ZNF496: variants seen among roughly 807,000 people sequenced by gnomAD.
ZNF496 encodes NSD1 (nuclear receptor binding SET-domain containing 1)-interacting zinc finger protein 1.
Under a neutral mutation model 58.9 loss-of-function variants are expected in ZNF496, and 11 were observed. The observed-to-expected ratio is 0.19, with a 90% CI of 0.12 to 0.31. The LOEUF (loss-of-function observed/expected upper bound fraction) is 0.31, where lower values mean the gene tolerates loss of function less well. Ranked by LOEUF, ZNF496 falls within the 10% of genes least tolerant of loss-of-function variation. ZNF496 has a pLI of 1.00. For synonymous variants in ZNF496, 338 were observed against 318.2 expected (o/e 1.06, Z -0.66); for missense variants, 660 against 783.0 (o/e 0.84, Z 1.88).
intron 9 of ZNF496, among the ~76,000 whole-genome samples, chr1:247,302,536 T>A (rs1179787165): frequency 6.6e-6 from 1 of 152,104 alleles, no homozygotes; most frequent in Non-Finnish European, 1.5e-5. Flanking sequence ...TTGCCCAGGC[T>A]GGTCTCAAAC....
chr1:247,310,707 GAGTT>G, intron 6 of ZNF496: 2 of 448,576 alleles, frequency 4.5e-6, no homozygotes, highest in South Asian at 6.6e-5. Context: ...GAGGGCAAGG[GAGTT>G]CTCTGGGGCC....
At chr1:247,303,737 T>G (rs1427708209) in intron 9 of ZNF496, among the ~76,000 whole-genome samples, 6 of 152,094 alleles carry the variant, frequency 3.9e-5, no homozygotes, top group South Asian at 4.1e-4. Flanking sequence ...ATGAGAGAGA[T>G]AAACTGAAGA....
chr1:247,312,938 A>G (rs1422213435), intron 6 of ZNF496: 1 of 152,162 alleles, frequency 6.6e-6, no homozygotes, highest in Non-Finnish European at 1.5e-5. Flanking sequence ...CTCTAACAAA[A>G]TACCGCAGAC....
chr1:247,302,666 G>A (rs534204768), intron 9 of ZNF496, among the ~76,000 whole-genome samples: 1 of 152,056 alleles, frequency 6.6e-6, no homozygotes, highest in Non-Finnish European at 1.5e-5. Flanking sequence ...CGCTTATCTC[G>A]ACTCTTGGTT....
chr1:247,326,065 T>C (rs1220553412), intron 5 of ZNF496, among the ~76,000 whole-genome samples: 2 of 134,576 alleles, frequency 1.5e-5, no homozygotes, highest in African/African-American at 5.4e-5. Flanking sequence ...CACACACACA[T>C]ATATACACAC....
intron 9 of ZNF496, chr1:247,307,912 C>T: frequency 1.0e-6 from 1 of 985,398 alleles, no homozygotes; most frequent in Non-Finnish European, 1.2e-6. Flanking sequence ...GGCTATTTCT[C>T]TGAAAGCAGG....
chr1:247,300,404 AGGAGGGAGGTGTG>A lies in ZNF496; in HGVS notation c.*102_*114del. Reference sequence around the variant, plus strand: ...ACGCTCACTACCTGAGAGCAAGGACAGGAGGGAGGTGTGCTCTCTATCCTGGGGAAGGTATGTC... The same window carrying A: ...ACGCTCACTACCTGAGAGCAAGGACACTCTCTATCCTGGGGAAGGTATGTC... On this transcript the variant is annotated 3_prime_UTR_variant, in exon 10 of 10. Transcript: ENST00000682384. The surrounding 1 kb of genome is among the most constrained non-coding windows in gnomAD (Gnocchi z 5.7). The A allele has an allele frequency of 8.7e-7, 1 of 1,152,998 alleles. No homozygotes were observed. Among genetic ancestry groups the A allele is most frequent in the Non-Finnish European group, 1.2e-6 (1 of 841,134 alleles). 71.4% of individuals were successfully genotyped at this position (1,152,998 alleles called of 1,614,324 possible).
intron 6 of ZNF496, among the ~76,000 whole-genome samples, chr1:247,322,365 T>C (rs1659988943): frequency 6.6e-6 from 1 of 152,128 alleles, no homozygotes; most frequent in South Asian, 2.1e-4. Context: ...TGCTGAGACA[T>C]GGTAATAAGA....
intron 5 of ZNF496, among the ~76,000 whole-genome samples, chr1:247,324,784 A>C (rs573309809): frequency 1.3e-5 from 2 of 152,334 alleles, no homozygotes; most frequent in East Asian, 3.9e-4. Flanking sequence ...AAAAACTGTT[A>C]CCACTGTAGG....
chr1:247,309,453 G>C lies in ZNF496; in HGVS notation c.892+246C>G, dbSNP rs1659522780. The C allele has an allele frequency of 2.9e-6, 4 of 1,358,200 alleles. No individual in the cohort carries two copies. The highest frequency in any genetic ancestry group is 2.8e-4 in the Middle Eastern group (1 of 3,622). The allele number at this position is 1,358,200 out of a possible 1,614,324, so 84.1% of individuals were successfully genotyped here. A position where few individuals can be genotyped will look rare whatever the true frequency, so the allele number is the denominator to read the frequency against. On this transcript the variant is annotated intron_variant, in intron 8 of 9. Transcript: ENST00000682384. The surrounding 1 kb of genome is among the most constrained non-coding windows in gnomAD (Gnocchi z 4.3). ...ATGTTACTTACAGGCAGAGGAGAAA[G>C]ACATTCCTATTATTTCCCAGTCCTT... is the stretch of plus-strand genomic sequence containing the variant.
intron 6 of ZNF496, among the ~76,000 whole-genome samples, chr1:247,318,523 A>C (rs1197831771): frequency 2.0e-5 from 3 of 152,236 alleles, no homozygotes; most frequent in Non-Finnish European, 4.4e-5. Context: ...TACAGGGAAA[A>C]AGTTTTTGAA....
chr1:247,327,947 G>A (rs986067482), intron 5 of ZNF496, among the ~76,000 whole-genome samples: 3 of 152,174 alleles, frequency 2.0e-5, no homozygotes. Flanking sequence ...AAAGTTTTGG[G>A]CACCTCAGGC....
Position 247,300,365 on chromosome 1 carries a change from A to G in ZNF496, c.*154T>C. ...TACCTGGGGGAGGGAGAGTGCTCCC[A>G]TGGCACCACCCGAACGCTCACTACC... On this transcript the variant is annotated 3_prime_UTR_variant, in exon 10 of 10. Transcript: ENST00000682384. The surrounding 1 kb of genome is among the most constrained non-coding windows in gnomAD (Gnocchi z 5.7). The G allele has an allele frequency of 5.4e-6, 4 of 745,880 alleles. No individual in the cohort carries two copies. Among genetic ancestry groups the G allele is most frequent in the Non-Finnish European group, 8.0e-6 (4 of 498,492 alleles). 46.2% of individuals were successfully genotyped at this position (745,880 alleles called of 1,614,324 possible).
chr1:247,318,932 T>C (rs900235761), intron 6 of ZNF496, among the ~76,000 whole-genome samples: 2 of 21,998 alleles, frequency 9.1e-5, no homozygotes, highest in Admixed American at 2.0e-3. Context: ...AACAACTGCA[T>C]TATAATGGGG....
rs149588445 is a variant in ZNF496, at chr1:247,317,983, C to T, written c.651+5171G>A. ...CAATTATAAGCACACTCCAAACAAA[C>T]GAAAAAATAGAAAGTGTCTGTAAAG... On this transcript the variant is annotated intron_variant, in intron 6 of 9. Coordinates refer to ENST00000682384, the MANE Select transcript of ZNF496 (RefSeq NM_032752.3). Among the ~76,000 whole-genome samples, 292 of 152,004 alleles carry T rather than the reference C, an allele frequency of 1.9e-3. 1 individual carries two copies. Among genetic ancestry groups the T allele is most frequent in the Middle Eastern group, 0.017 (5 of 294 alleles).
At chr1:247,315,583 G>T (rs930460807) in intron 6 of ZNF496, among the ~76,000 whole-genome samples, 1 of 152,096 alleles carries the variant, frequency 6.6e-6, no homozygotes, top group Non-Finnish European at 1.5e-5. Flanking sequence ...GAATAAGGGG[G>T]CACAAACGTC....
rs1659536007 is a variant in ZNF496 at position 247,309,871 on chromosome 1, G to A, written c.785-65C>T. 2.7e-5 allele frequency: 43 copies of A among 1,570,138 alleles called. No individual in the cohort carries two copies. The South Asian group carries it at 4.1e-4, about 15-fold the overall frequency. On this transcript the variant is annotated intron_variant, in intron 7 of 9. Transcript: ENST00000682384. This position sits in a 1 kb window ranked among gnomAD's most constrained non-coding sequence, Gnocchi z 4.3. ...TCTGATCCTGCAGCAACCAGGGCTG[G>A]TCCAGAAGAGAGAAGGCGGAGGGAT...
Position 247,310,311 on chromosome 1 carries a change from A to G in ZNF496, c.784+13T>C, listed in dbSNP as rs967318432. 2 of 1,614,046 alleles carry G rather than the reference A, an allele frequency of 1.2e-6. No individual in the cohort carries two copies. Among genetic ancestry groups the G allele is most frequent in the Non-Finnish European group, 1.7e-6 (2 of 1,180,018 alleles). On this transcript the variant is annotated intron_variant, in intron 7 of 9. Transcript: ENST00000682384. ...TCCCTGGTCTTGAGGTGTGGGGGGAAGTTAAGTCTTACTTGGAGGCATTGA... is the reference window on the plus strand; with the variant it reads ...TCCCTGGTCTTGAGGTGTGGGGGGAGGTTAAGTCTTACTTGGAGGCATTGA...
Position 247,300,352 on chromosome 1 carries a change from G to GGA in ZNF496, c.*165_*166dup, listed in dbSNP as rs1057098359. ...GCCACTCTTTCATTACCTGGGGGAG[G>GGA]GAGAGTGCTCCCATGGCACCACCCG... On this transcript the variant is annotated 3_prime_UTR_variant, in exon 10 of 10. Coordinates refer to ENST00000682384, the MANE Select transcript of ZNF496 (RefSeq NM_032752.3). This position sits in a 1 kb window ranked among gnomAD's most constrained non-coding sequence, Gnocchi z 5.7. 1.6e-6 allele frequency: 1 copy of GGA among 629,344 alleles called. No individual in the cohort carries two copies. The highest frequency in any genetic ancestry group is 1.8e-5 in the African/African-American group (1 of 55,026). 39.0% of individuals were successfully genotyped at this position (629,344 alleles called of 1,614,324 possible). A position where few individuals can be genotyped will look rare whatever the true frequency, so the allele number is the denominator to read the frequency against.
Sources: gnomAD v4.1 joint callset for allele counts (sites outside exome capture counted in the v4.1 genomes callset) on GRCh38, gnomAD v4.1.1 for gene constraint, Gnocchi (gnomAD v3.1) non-coding constraint, MANE v1.5 for transcripts, NCBI Gene and HGNC (gene_info 2026-07-23, HGNC 2026-07-21) for gene names.